The following DMD variants were observed in gnomAD, a reference collection of about 807,000 sequenced individuals.
The protein encoded by DMD is mutant dystrophin.
Under a neutral mutation model 330.1 loss-of-function variants are expected in DMD, and 63 were observed. That is an observed-to-expected ratio of 0.19 (90% CI 0.16 to 0.24). The LOEUF (loss-of-function observed/expected upper bound fraction) is 0.24. Ranked by LOEUF, DMD falls within the 10% of genes least tolerant of loss-of-function variation. The pLI, the probability that DMD is intolerant of heterozygous loss-of-function variation, is 1.00. For missense variants in DMD, 3,344 were observed against 2,684.1 expected (o/e 1.25, Z -5.43); for synonymous variants, 1,223 against 959.8 (o/e 1.27, Z -5.07).
chrX:31,725,493 G>C (rs1394760180), intron 52 of DMD, among the ~76,000 whole-genome samples: 1 of 111,592 alleles, frequency 9.0e-6, no homozygotes, highest in Non-Finnish European at 1.9e-5. Flanking sequence ...AATAACAAAT[G>C]CTAACATTCA....
At chrX:32,777,277 T>TGGGGGGGGGGGGGGGGGTGGG (rs546914107) in intron 7 of DMD, among the ~76,000 whole-genome samples, 2 of 2,111 alleles carry the variant, frequency 9.5e-4, no homozygotes, top group Non-Finnish European at 1.4e-3. Flanking sequence ...GGTTTCTGGT[T>TGGGGGGGGGGGGGGGGGTGGG]GGGGGGGGAA....
At chrX:33,322,467 C>G (rs891447576) in intron 1 of DMD, among the ~76,000 whole-genome samples, 9 of 111,218 alleles carry the variant, frequency 8.1e-5, no homozygotes, top group African/African-American at 2.9e-4. Flanking sequence ...ATGGGCATGA[C>G]TCATGTTGCC....
intron 1 of DMD, among the ~76,000 whole-genome samples, chrX:33,087,095 C>T (rs1603258583): frequency 9.0e-6 from 1 of 111,503 alleles, no homozygotes; most frequent in South Asian, 3.7e-4. Context: ...AGGCCAATTC[C>T]CCTCCTCTAG....
At chrX:31,802,440 C>T (rs2092113122) in intron 50 of DMD, among the ~76,000 whole-genome samples, 1 of 111,184 alleles carries the variant, frequency 9.0e-6, no homozygotes, top group South Asian at 3.8e-4. Flanking sequence ...TATGATCATC[C>T]TAATATAAGA....
chrX:32,859,109 T>C (rs986415682), intron 2 of DMD, among the ~76,000 whole-genome samples: 1 of 111,520 alleles, frequency 9.0e-6, no homozygotes, highest in African/African-American at 3.3e-5. Context: ...TATAGATTGA[T>C]TTTTATGTTT....
intron 16 of DMD, among the ~76,000 whole-genome samples, chrX:32,559,611 A>G (rs897231316): frequency 5.4e-5 from 6 of 111,750 alleles, no homozygotes; most frequent in African/African-American, 1.9e-4. Context: ...CAGAACGTGA[A>G]CATAAAATAT....
At chrX:32,791,510 T>TAA in intron 7 of DMD, among the ~76,000 whole-genome samples, 1 of 111,587 alleles carries the variant, frequency 9.0e-6, no homozygotes, top group Admixed American at 9.5e-5. Flanking sequence ...AACTGCACCC[T>TAA]AAGCTACTGA....
chrX:32,066,137 T>G (rs2096258724), intron 44 of DMD, among the ~76,000 whole-genome samples: 1 of 111,628 alleles, frequency 9.0e-6, no homozygotes, highest in Non-Finnish European at 1.9e-5. Context: ...ATTTGTTCCA[T>G]GTATTAATAT....
chrX:31,216,694 A>G (rs753868273), intron 64 of DMD, among the ~76,000 whole-genome samples: 2 of 111,681 alleles, frequency 1.8e-5, no homozygotes, highest in South Asian at 7.6e-4. Context: ...GCGGATTTGT[A>G]AGCCATGTTA....
At chrX:31,896,353 G>A (rs1035764203) in intron 47 of DMD, among the ~76,000 whole-genome samples, 1 of 111,848 alleles carries the variant, frequency 8.9e-6, no homozygotes, top group Non-Finnish European at 1.9e-5. Context: ...ATGAAGAGGT[G>A]CTGAAAGAGG....
intron 48 of DMD, among the ~76,000 whole-genome samples, chrX:31,841,021 T>C (rs2093308613): frequency 8.9e-6 from 1 of 111,757 alleles, no homozygotes; most frequent in Admixed American, 9.6e-5. Flanking sequence ...GGAAGGCATG[T>C]CGAAAGCCAA....
At chrX:32,437,366 C>T (rs886650087) in intron 29 of DMD, among the ~76,000 whole-genome samples, 19 of 111,970 alleles carry the variant, frequency 1.7e-4, no homozygotes, top group African/African-American at 5.5e-4. Context: ...CTACTCAAGG[C>T]GTTCCTTTTC....
At chrX:32,396,268 C>T (rs1228139240) in intron 30 of DMD, among the ~76,000 whole-genome samples, 1 of 110,961 alleles carries the variant, frequency 9.0e-6, no homozygotes, top group Non-Finnish European at 1.9e-5. Context: ...GTTAGAAAAA[C>T]TGTTGAGGAT....
intron 48 of DMD, among the ~76,000 whole-genome samples, chrX:31,863,246 C>T (rs988763143): frequency 1.2e-4 from 14 of 112,142 alleles, no homozygotes; most frequent in Non-Finnish European, 2.3e-4. Context: ...GGGAGGATGA[C>T]GCAGGAGAAT....
At chrX:31,140,397 A>T (rs570252338) in intron 76 of DMD, among the ~76,000 whole-genome samples, 48 of 112,402 alleles carry the variant, frequency 4.3e-4, no homozygotes, top group African/African-American at 1.6e-3. Flanking sequence ...TACGCCCACC[A>T]ACATTTTTCT....
At chrX:32,361,706 C>T (rs760252435) in intron 37 of DMD, among the ~76,000 whole-genome samples, 4 of 111,368 alleles carry the variant, frequency 3.6e-5, no homozygotes, top group Non-Finnish European at 7.5e-5. Context: ...AATTGTGAAA[C>T]CATGCTATTA....
intron 44 of DMD, among the ~76,000 whole-genome samples, chrX:32,112,768 A>G (rs1263849622): frequency 4.5e-5 from 5 of 111,650 alleles, no homozygotes. Context: ...ATCATGCTTC[A>G]TATTTATGGT....
At chrX:32,086,148 A>AG (rs1271706255) in intron 44 of DMD, among the ~76,000 whole-genome samples, 2 of 112,080 alleles carry the variant, frequency 1.8e-5, no homozygotes, top group African/African-American at 3.2e-5. Context: ...GTCACAGATC[A>AG]GATCGGTGAT....
intron 51 of DMD, among the ~76,000 whole-genome samples, chrX:31,734,998 T>G: frequency 9.0e-6 from 1 of 111,680 alleles, no homozygotes; most frequent in Non-Finnish European, 1.9e-5. Context: ...CTCCTGTTAC[T>G]GCATTTTGAA....
Sources: gnomAD v4.1 joint callset for allele counts (sites outside exome capture counted in the v4.1 genomes callset) on GRCh38, gnomAD v4.1.1 for gene constraint, MANE v1.5 for transcripts, NCBI Gene and HGNC (gene_info 2026-07-23, HGNC 2026-07-21) for gene names.